The following MRPL27 variants were observed in gnomAD, a reference collection of about 807,000 sequenced individuals.
MRPL27 encodes the protein large ribosomal subunit protein bL27m.
In MRPL27, 4 loss-of-function variants were observed where a neutral mutation model predicts 14.6. The observed-to-expected ratio is 0.27, with a 90% CI of 0.14 to 0.63. The LOEUF (loss-of-function observed/expected upper bound fraction) is 0.63. Among genes scored for constraint, MRPL27 ranks in the 20% least tolerant of loss-of-function variants. The probability of loss-of-function intolerance (pLI) is 0.85; values close to 1 mark genes in which losing one functional copy is unlikely to be tolerated. For missense variants in MRPL27, 196 were observed against 192.8 expected, an observed-to-expected ratio of 1.02 and a Z score of -0.10; for synonymous variants, 82 against 75.5, an observed-to-expected ratio of 1.09 and a Z score of -0.45.
At chr17:50,372,922 G>C (rs1454015832) in intron 1 of MRPL27, 12 of 646,652 alleles carry the variant, frequency 1.9e-5, no homozygotes, top group Non-Finnish European at 3.2e-5. Flanking sequence ...GCAGGAGAAA[G>C]ACAAGTGCTC....
At chr17:50,371,626 T>C (rs1913146748) in intron 1 of MRPL27, among the ~76,000 whole-genome samples, 1 of 152,130 alleles carries the variant, frequency 6.6e-6, no homozygotes, top group African/African-American at 2.4e-5. Context: ...AGAGAAGCCT[T>C]GTGGGTCTCT....
Position 50,368,162 on chromosome 17 carries a change from A to G in MRPL27, c.377T>C (p.Leu126Pro), listed in dbSNP as rs147382519. 6.2e-7 allele frequency: 1 copy of G among 1,614,082 alleles called. No homozygotes were observed. The highest frequency in any genetic ancestry group is 1.3e-5 in the African/African-American group (1 of 74,912). Residue 126 changes from leucine to proline, a missense_variant, in exon 4 of 4, where the codon CTC (leucine) becomes CCC (proline). Transcript: ENST00000225969. The part of the protein sequence containing the change: ...LITRLPKGAV[L>P]YKTFVHVVPA... ...AACCACGTGGACAAAAGTCTTGTAG[A>G]GCACAGCACCCTTGGGCAGCCTGGT... is the stretch of plus-strand genomic sequence containing the variant.
intron 1 of MRPL27, among the ~76,000 whole-genome samples, chr17:50,372,245 CT>C (rs55881482): frequency 0.2 from 27,629 of 139,426 alleles, 2,914 homozygotes; most frequent in Middle Eastern, 0.31. Context: ...TCCTGTCATT[CT>C]TTTTTTTTTG....
At chr17:50,369,017 G>A in intron 3 of MRPL27, 1 of 611,246 alleles carries the variant, frequency 1.6e-6, no homozygotes. Flanking sequence ...CTGTCTCTCT[G>A]ATTAAAAGAA....
chr17:50,372,901 G>A (rs978412364), intron 1 of MRPL27: 2 of 596,562 alleles, frequency 3.4e-6, no homozygotes, highest in Non-Finnish European at 5.9e-6. Flanking sequence ...GAACCCGTCC[G>A]TGCTGCTGAG....
intron 1 of MRPL27, chr17:50,372,742 T>C: frequency 3.9e-6 from 1 of 254,170 alleles, no homozygotes; most frequent in Non-Finnish European, 7.7e-6. Context: ...TCACGTTTTC[T>C]GCTGATTTTC....
intron 1 of MRPL27, chr17:50,370,968 G>C (rs150963097): frequency 1.2e-5 from 2 of 166,740 alleles, no homozygotes; most frequent in African/African-American, 4.8e-5. Flanking sequence ...GAAAGGCTTC[G>C]GTTTCAGGCT....
intron 3 of MRPL27, 36 bp downstream of exon 3, chr17:50,369,986 GTCAACCTAGA>G (rs1235028124): frequency 6.3e-7 from 1 of 1,597,092 alleles, no homozygotes. Flanking sequence ...GCAAGGAGAG[GTCAACCTAGA>G]AAAGGAAAAA....
Position 50,368,020 on chromosome 17 carries a change from A to T in MRPL27, c.*72T>A. On this transcript the variant is annotated 3_prime_UTR_variant, in exon 4 of 4. Coordinates refer to ENST00000225969, the MANE Select transcript of MRPL27 (RefSeq NM_016504.3). ...CTCGGGAGGCCGTGTCGCCACCCCA[A>T]CCCTTGACTTCTGGTATCACCATCT... 1 of 1,558,026 alleles carries T rather than the reference A, an allele frequency of 6.4e-7. No homozygotes were observed. Among genetic ancestry groups the T allele is most frequent in the Non-Finnish European group, 8.8e-7 (1 of 1,137,188 alleles).
At chr17:50,370,275 G>A in intron 2 of MRPL27, 176 bp from the exon 3 acceptor site, 1 of 1,175,074 alleles carries the variant, frequency 8.5e-7, no homozygotes, top group Admixed American at 2.1e-5. Context: ...TAATTGCATG[G>A]TTATGGCTCA....
chr17:50,370,667 G>C (rs553459443), intron 1 of MRPL27, 81 bp from the exon 2 acceptor site: 60 of 1,586,532 alleles, frequency 3.8e-5, no homozygotes, highest in South Asian at 3.3e-4. Context: ...TGATACGTGA[G>C]AGGCGGTGGG....
At chr17:50,369,920 A>G in intron 3 of MRPL27, 112 bp downstream of exon 3, 2 of 1,185,764 alleles carry the variant, frequency 1.7e-6, no homozygotes, top group African/African-American at 1.5e-5. Context: ...AATCAGCACA[A>G]TGCTTGCCAT....
chr17:50,370,762 C>T, intron 1 of MRPL27, 176 bp from the exon 2 acceptor site: 2 of 756,962 alleles, frequency 2.6e-6, no homozygotes, highest in Non-Finnish European at 4.1e-6. Context: ...TTGGCTTTCT[C>T]CTTTTGGGGG....
At chr17:50,368,430 T>A (rs1913027371) in intron 3 of MRPL27, 132 bp from the exon 4 acceptor site, 1 of 887,300 alleles carries the variant, frequency 1.1e-6, no homozygotes. Flanking sequence ...CATCTCAGGT[T>A]CCCTTTCCCA....
intron 3 of MRPL27, chr17:50,368,794 C>G: frequency 2.9e-6 from 2 of 697,390 alleles, no homozygotes; most frequent in Non-Finnish European, 5.2e-6. Flanking sequence ...TTAGCTAATA[C>G]CCATGTAAGC....
chr17:50,373,141 G>A lies in MRPL27; in HGVS notation c.30C>T (p.Thr10=), dbSNP rs934168326. 6 of 1,613,980 alleles carry A rather than the reference G, an allele frequency of 3.7e-6. No homozygotes were observed. Among genetic ancestry groups the A allele is most frequent in the Non-Finnish European group, 4.2e-6 (5 of 1,180,020 alleles). ...ACTGCGTCCCATTACCGGCTGTCCG[G>A]GTCCTCAGCGCCAACACCACCGACG... MASVVLALR[T]RTAVTSLLSP... The change falls in exon 1 of 4, where the codon ACC becomes ACT. Residue 10 remains threonine (T), a synonymous_variant. Transcript: ENST00000225969.
At position 50,370,597 on chromosome 17, in the gene MRPL27, A is replaced by T; in HGVS notation, c.41-11T>A. The T allele has an allele frequency of 6.2e-7, 1 of 1,613,972 alleles. No homozygotes were observed. The highest frequency in any genetic ancestry group is 8.5e-7 in the Non-Finnish European group (1 of 1,179,884). On this transcript the variant is annotated splice_polypyrimidine_tract_variant and intron_variant, in intron 1 of 3. Coordinates refer to ENST00000225969, the MANE Select transcript of MRPL27 (RefSeq NM_016504.3). ...TTAGCAAGGATGTAACTGCAGAGAA[A>T]ACAGAAACATTGTTCAGACAGACAG... is the stretch of plus-strand genomic sequence containing the variant.
intron 1 of MRPL27, 197 bp from the exon 2 acceptor site, chr17:50,370,783 G>A: frequency 1.7e-6 from 1 of 604,856 alleles, no homozygotes; most frequent in Non-Finnish European, 2.8e-6. Context: ...AGGGGGCGGG[G>A]GAGCAGTGAA....
At position 50,370,085 on chromosome 17, in the gene MRPL27, C is replaced by A. The variant is rs1316616496; in HGVS notation, c.187G>T (p.Ala63Ser). The change falls in exon 3 of 4, where the codon GCT becomes TCT. Residue 63 changes from alanine to serine, a missense_variant. Transcript: ENST00000225969. The stretch of plus-strand genomic sequence containing the variant: ...CGCTGTGTTGCAATGATGTTCCCAG[C>A]ATGAACATAGTGACCTAGAAGAGAA... ...IKKMEGHYVH[A>S]GNIIATQRHF... is the part of the protein sequence containing the mutation. The A allele has an allele frequency of 6.2e-7, 1 of 1,612,786 alleles. No individual in the cohort carries two copies. Among genetic ancestry groups the A allele is most frequent in the African/African-American group, 1.3e-5 (1 of 74,908 alleles).
Sources: allele counts gnomAD v4.1 joint callset (sites outside exome capture counted in the v4.1 genomes callset), GRCh38; gene constraint gnomAD v4.1.1; transcripts MANE v1.5; gene names NCBI Gene and HGNC (gene_info 2026-07-23, HGNC 2026-07-21).